Variants in TTLL2 observed in about 807,000 individuals in gnomAD.
The protein encoded by TTLL2 is tubulin tyrosine ligase like 2, also known as probable tubulin polyglutamylase TTLL2.
TTLL2 carries 10 observed loss-of-function variants against 7.5 expected under a neutral mutation model. The observed-to-expected ratio is 1.33, with a 90% CI of 0.82 to 2.25. TTLL2 has a LOEUF of 2.25. Among genes scored for constraint, TTLL2 ranks in the 30% most tolerant of loss-of-function variants. The pLI, the probability that TTLL2 is intolerant of heterozygous loss-of-function variation, is 0.00. For synonymous variants in TTLL2, 284 were observed against 280.3 expected, an observed-to-expected ratio of 1.01 and a Z score of -0.13; for missense variants, 733 against 735.7, an observed-to-expected ratio of 1.00 and a Z score of 0.04.
intron 1 of TTLL2, among the ~76,000 whole-genome samples, chr6:167,329,556 G>A (rs190404759): frequency 7.2e-4 from 109 of 152,112 alleles, no homozygotes; most frequent in African/African-American, 2.5e-3. Context: ...ATAATTTCAC[G>A]TTATATTTTT....
intron 1 of TTLL2, chr6:167,327,937 T>A (rs1353862870): frequency 1.1e-5 from 5 of 451,566 alleles, no homozygotes; most frequent in African/African-American, 1.0e-4. Context: ...TTTTACAGCA[T>A]CTGGTATCAA....
intron 1 of TTLL2, among the ~76,000 whole-genome samples, chr6:167,331,704 T>C (rs969220547): frequency 6.6e-6 from 1 of 152,128 alleles, no homozygotes; most frequent in Non-Finnish European, 1.5e-5. Context: ...AAACCCCAAC[T>C]TAGGAGTATG....
chr6:167,341,064 C>A lies in TTLL2; in HGVS notation c.1164C>A (p.Asn388Lys), dbSNP rs1445866962. The A allele has an allele frequency of 6.2e-7, 1 of 1,613,952 alleles. No homozygotes were observed. Among genetic ancestry groups the A allele is most frequent in the South Asian group, 1.1e-5 (1 of 91,070 alleles). Residue 388 changes from asparagine (N) to lysine (K), a missense_variant, in exon 3 of 3, where the codon AAC (asparagine) becomes AAA (lysine). Transcript: ENST00000239587. ...DNLKPWLLEVNYSPALTLDCS... is the reference protein window; with the variant it reads ...DNLKPWLLEVKYSPALTLDCS... ...TGAAACCATGGCTTTTAGAGGTCAA[C>A]TACAGCCCAGCCTTGACCTTGGATT...
chr6:167,338,678 C>G lies in TTLL2; in HGVS notation c.79C>G (p.Leu27Val). Residue 27 changes from leucine to valine, a missense_variant, in exon 2 of 3, where the codon CTT becomes GTT. Leu to Val is a conservative substitution (Grantham distance 32, BLOSUM62 1). Transcript: ENST00000239587. ...GAGAACCACCACCCCAGCCTTTACC[C>G]TTAACATTCCATCCGAGGCAAACCA... ...SLRTTTPAFT[L>V]NIPSEANHTE... 1 of 1,614,106 alleles carries G rather than the reference C, an allele frequency of 6.2e-7. No individual in the cohort carries two copies.
At chr6:167,329,692 G>A (rs956944307) in intron 1 of TTLL2, among the ~76,000 whole-genome samples, 3 of 152,090 alleles carry the variant, frequency 2.0e-5, no homozygotes, top group African/African-American at 7.2e-5. Context: ...TTGATTATAA[G>A]CTTTGGCTAA....
intron 1 of TTLL2, among the ~76,000 whole-genome samples, chr6:167,329,001 G>A (rs1350131425): frequency 6.6e-6 from 1 of 152,104 alleles, no homozygotes; most frequent in African/African-American, 2.4e-5. Flanking sequence ...AGGTCTGACT[G>A]CACTCTCCTA....
intron 1 of TTLL2, among the ~76,000 whole-genome samples, chr6:167,329,030 G>A (rs1778884101): frequency 6.6e-6 from 1 of 152,054 alleles, no homozygotes; most frequent in African/African-American, 2.4e-5. Flanking sequence ...CCCAGTCAGG[G>A]ACTCTTTATA....
chr6:167,335,780 A>G (rs1778976192), intron 1 of TTLL2, among the ~76,000 whole-genome samples: 1 of 140,994 alleles, frequency 7.1e-6, no homozygotes, highest in Non-Finnish European at 1.5e-5. Flanking sequence ...TTGAGATCAC[A>G]TGGACACAGG....
At chr6:167,325,249 G>C (rs772852095) in intron 1 of TTLL2, 29 bp downstream of exon 1, 2 of 1,521,138 alleles carry the variant, frequency 1.3e-6, no homozygotes, top group South Asian at 2.5e-5. Flanking sequence ...ACGTAGGATG[G>C]GAGGGTGGCC....
At chr6:167,331,975 C>T (rs577317763) in intron 1 of TTLL2, among the ~76,000 whole-genome samples, 1 of 152,260 alleles carries the variant, frequency 6.6e-6, no homozygotes, top group East Asian at 1.9e-4. Flanking sequence ...TCATTCGTTG[C>T]TCAACTAAAC....
In TTLL2 at chr6:167,326,350, GTTT is replaced by G. The variant is rs1334486713; in HGVS notation, c.47+1135_47+1137del. On this transcript the variant is annotated intron_variant, in intron 1 of 2. Transcript: ENST00000239587. ...ATTCAAAAGAACATTTAGGTAGGAAGTTTTTTTAAGTTGGTCAACTCAAAAAAC... is the reference window on the plus strand; with the variant it reads ...ATTCAAAAGAACATTTAGGTAGGAAGTTTTAAGTTGGTCAACTCAAAAAAC... Among the ~76,000 whole-genome samples, 3 of 152,058 alleles carry G rather than the reference GTTT, an allele frequency of 2.0e-5. No homozygotes were observed. The East Asian group carries it at 5.8e-4, about 29-fold the overall frequency.
At chr6:167,338,837 TTCCTTC>T in intron 2 of TTLL2, 34 bp downstream of exon 2, 1 of 1,387,896 alleles carries the variant, frequency 7.2e-7, no homozygotes, top group African/African-American at 1.5e-5. Context: ...CCTTCCTTCC[TTCCTTC>T]CTTCCTTCCT....
At position 167,340,253 on chromosome 6, in the gene TTLL2, C is replaced by T. The variant is rs759803582; in HGVS notation, c.353C>T (p.Ala118Val). The change falls in exon 3 of 3, where the codon GCG becomes GTG. Residue 118 changes from alanine (A) to valine (V), a missense_variant. By Grantham distance (64) the Ala-to-Val change is moderately conservative. Coordinates refer to ENST00000239587, the MANE Select transcript of TTLL2 (RefSeq NM_031949.5). Reference sequence around the variant, plus strand: ...AAGTTTGATAAGCAGGAGCAGAACGCGGAGGACTGGAACCTGTACTGGAGG... The same window carrying T: ...AAGTTTGATAAGCAGGAGCAGAACGTGGAGGACTGGAACCTGTACTGGAGG... ...WNKFDKQEQN[A>V]EDWNLYWRTS... 3.3e-5 allele frequency: 53 copies of T among 1,613,960 alleles called. 1 individual carries two copies. In the Admixed American group the frequency reaches 4.0e-4, roughly 12 times the overall value.
At chr6:167,328,460 C>A (rs1324521196) in intron 1 of TTLL2, 1 of 259,810 alleles carries the variant, frequency 3.8e-6, no homozygotes, top group Non-Finnish European at 7.7e-6. Context: ...CACTCCTGGT[C>A]ATTGGAATGC....
chr6:167,336,527 C>T lies in TTLL2; in HGVS notation c.48-2120C>T, dbSNP rs147220941. ...CTGCCATGGGTCGTGGGTGGCATTGCTCATCCCCATCCTCCTTCTCAGCGA... is the reference window on the plus strand; with the variant it reads ...CTGCCATGGGTCGTGGGTGGCATTGTTCATCCCCATCCTCCTTCTCAGCGA... On this transcript the variant is annotated intron_variant, in intron 1 of 2. Transcript: ENST00000239587. 2.6e-3 allele frequency among the ~76,000 whole-genome samples: 388 copies of T among 152,140 alleles called. 4 individuals are homozygous for T. The highest frequency in any genetic ancestry group is 8.7e-3 in the African/African-American group (361 of 41,452).
chr6:167,340,219 G>A lies in TTLL2; in HGVS notation c.319G>A (p.Gly107Arg). ...GGTGCAAAGCGTCCTCCTGGAGAGG[G>A]GGTGGAATAAGTTTGATAAGCAGGA... Reference protein sequence around the residue: ...AVVQSVLLERGWNKFDKQEQN... With the variant: ...AVVQSVLLERRWNKFDKQEQN... Residue 107 changes from glycine to arginine, a missense_variant, in exon 3 of 3, where the codon GGG becomes AGG. Physicochemically the swap from Gly to Arg is moderately radical, Grantham distance 125 (BLOSUM62 -2). Coordinates refer to ENST00000239587, the MANE Select transcript of TTLL2 (RefSeq NM_031949.5). The A allele has an allele frequency of 6.2e-7, 1 of 1,614,118 alleles. No homozygotes were observed. The highest frequency in any genetic ancestry group is 8.5e-7 in the Non-Finnish European group (1 of 1,180,026).
intron 1 of TTLL2, among the ~76,000 whole-genome samples, chr6:167,335,942 G>A (rs1191881418): frequency 6.7e-6 from 1 of 149,018 alleles, no homozygotes; most frequent in Non-Finnish European, 1.5e-5. Flanking sequence ...TGCACAATGT[G>A]CACATGTACC....
intron 1 of TTLL2, among the ~76,000 whole-genome samples, chr6:167,337,446 G>A (rs1447570114): frequency 6.6e-6 from 1 of 152,138 alleles, no homozygotes; most frequent in Non-Finnish European, 1.5e-5. Context: ...GTGGAGCCTG[G>A]GGGGTCCAGG....
At chr6:167,330,227 A>G (rs1254704776) in intron 1 of TTLL2, among the ~76,000 whole-genome samples, 1 of 152,208 alleles carries the variant, frequency 6.6e-6, no homozygotes, top group Non-Finnish European at 1.5e-5. Flanking sequence ...TGTCTGTATT[A>G]CTTGTACTCA....
Sources: allele counts gnomAD v4.1 joint callset (sites outside exome capture counted in the v4.1 genomes callset), GRCh38; gene constraint gnomAD v4.1.1; transcripts MANE v1.5; gene names NCBI Gene and HGNC (gene_info 2026-07-23, HGNC 2026-07-21).